The following ZNF76 variants were observed in gnomAD, a reference collection of about 807,000 sequenced individuals.
ZNF76 encodes zinc finger protein 523.
In ZNF76, 66 loss-of-function variants were observed where a neutral mutation model predicts 66.9. That is an observed-to-expected ratio of 0.99 (90% CI 0.81 to 1.21). ZNF76 has a LOEUF of 1.21. Ranked by LOEUF, ZNF76 falls within the 50% of genes most tolerant of loss-of-function variation. The probability of loss-of-function intolerance (pLI) is 0.00; values close to 1 mark genes in which losing one functional copy is unlikely to be tolerated. For missense variants in ZNF76, 729 were observed against 760.3 expected, an observed-to-expected ratio of 0.96 and a Z score of 0.48; for synonymous variants, 275 against 296.1, an observed-to-expected ratio of 0.93 and a Z score of 0.73.
intron 1 of ZNF76, among the ~76,000 whole-genome samples, chr6:35,266,860 G>A (rs1471228737): frequency 7.6e-6 from 1 of 131,208 alleles, no homozygotes; most frequent in African/African-American, 2.7e-5. Flanking sequence ...AAGTGCAGTG[G>A]CGCCATCTCG....
At position 35,292,831 on chromosome 6, in the gene ZNF76, C is replaced by T. The variant is rs1371744373; in HGVS notation, c.1165+44C>T. The stretch of plus-strand genomic sequence containing the variant: ...GGGTGAGAGTGGGGACAAGCCAGGC[C>T]TCCCCATGGCATCTGGTAGCAGATG... On this transcript the variant is annotated intron_variant, in intron 10 of 13. Coordinates refer to ENST00000373953, the MANE Select transcript of ZNF76 (RefSeq NM_003427.5). The surrounding 1 kb of genome is among the most constrained non-coding windows in gnomAD (Gnocchi z 4.7). The T allele has an allele frequency of 1.9e-6, 3 of 1,613,690 alleles. No individual in the cohort carries two copies. Among genetic ancestry groups the T allele is most frequent in the Admixed American group, 1.7e-5 (1 of 60,012 alleles).
rs371104160 is a variant in ZNF76 at position 35,286,089 on chromosome 6, T to G, written c.74-39T>G. Reference sequence around the variant, plus strand: ...AGGCAGGCGTTTCTTAGCCCTCTTCTGGTCCTGGCCCATTTCTCTCTATTT... The same window carrying G: ...AGGCAGGCGTTTCTTAGCCCTCTTCGGGTCCTGGCCCATTTCTCTCTATTT... On this transcript the variant is annotated intron_variant, in intron 2 of 13. Coordinates refer to ENST00000373953, the MANE Select transcript of ZNF76 (RefSeq NM_003427.5). The G allele has an allele frequency of 1.9e-6, 3 of 1,600,650 alleles. No homozygotes were observed. The African/African-American group carries it at 4.0e-5, about 21-fold the overall frequency.
chr6:35,291,663 C>T lies in ZNF76; in HGVS notation c.857C>T (p.Thr286Ile). The T allele has an allele frequency of 6.2e-7, 1 of 1,613,860 alleles. No homozygotes were observed. The highest frequency in any genetic ancestry group is 8.5e-7 in the Non-Finnish European group (1 of 1,179,994). Residue 286 changes from threonine to isoleucine, a missense_variant, in exon 9 of 14, where the codon ACC (threonine) becomes ATC (isoleucine). Physicochemically the swap from Thr to Ile is moderately conservative, Grantham distance 89. Coordinates refer to ENST00000373953, the MANE Select transcript of ZNF76 (RefSeq NM_003427.5). The part of the protein sequence containing the change: ...VRTHTGERPY[T>I]CPEPHCGRGF... The stretch of plus-strand genomic sequence containing the variant: ...ACCCACACAGGCGAGAGGCCCTACA[C>T]CTGCCCGGAGCCCCACTGTGGCCGC...
At chr6:35,266,350 A>G (rs1786065608) in intron 1 of ZNF76, among the ~76,000 whole-genome samples, 1 of 151,844 alleles carries the variant, frequency 6.6e-6, no homozygotes, top group African/African-American at 2.4e-5. Context: ...ATGGGGTTTC[A>G]CCATATTTGC....
At chr6:35,280,845 G>C (rs1788677166) in intron 1 of ZNF76, among the ~76,000 whole-genome samples, 1 of 152,158 alleles carries the variant, frequency 6.6e-6, no homozygotes, top group Non-Finnish European at 1.5e-5. Flanking sequence ...TGACCAGTTT[G>C]ATTGGCATGC....
At chr6:35,294,930 C>T (rs1314031320) in intron 13 of ZNF76, 1 of 588,460 alleles carries the variant, frequency 1.7e-6, no homozygotes, top group Non-Finnish European at 3.0e-6. Context: ...GTCTCTCTGA[C>T]CCTGGCTATT....
chr6:35,277,005 G>A (rs111587195), intron 1 of ZNF76, among the ~76,000 whole-genome samples: 13,204 of 150,304 alleles, frequency 0.088, 1,362 homozygotes, highest in African/African-American at 0.25. Flanking sequence ...CACCATGTTG[G>A]TCAGGCTGGT....
Position 35,292,715 on chromosome 6 carries a change from C to T in ZNF76, c.1093C>T (p.Arg365Cys), listed in dbSNP as rs773000742. 21 of 1,614,208 alleles carry T rather than the reference C, an allele frequency of 1.3e-5. No homozygotes were observed. The highest frequency in any genetic ancestry group is 2.2e-5 in the South Asian group (2 of 91,084). ...RQTSTLAMHK[R>C]SAHGELEATE... ...GACCTCCACCTTGGCCATGCACAAG[C>T]GCAGTGCCCACGGCGAGCTGGAGGC... The change falls in exon 10 of 14, where the codon CGC becomes TGC. Residue 365 changes from arginine (R) to cysteine (C), a missense_variant. Arg to Cys is a radical substitution (Grantham distance 180, BLOSUM62 -3). Coordinates refer to ENST00000373953, the MANE Select transcript of ZNF76 (RefSeq NM_003427.5). The surrounding 1 kb of genome is among the most constrained non-coding windows in gnomAD (Gnocchi z 4.7).
Position 35,282,120 on chromosome 6 carries a change from C to T in ZNF76, c.73+896C>T, listed in dbSNP as rs928875748. Reference sequence around the variant, plus strand: ...ACATACATCCCAAATGTTGTAGGGACGTATGTATACCACATACTAGGGACA... The same window carrying T: ...ACATACATCCCAAATGTTGTAGGGATGTATGTATACCACATACTAGGGACA... On this transcript the variant is annotated intron_variant, in intron 2 of 13. Transcript: ENST00000373953. Among the ~76,000 whole-genome samples, 6 of 151,884 alleles carry T rather than the reference C, an allele frequency of 4.0e-5. No homozygotes were observed. The South Asian group carries it at 8.3e-4, about 21-fold the overall frequency.
chr6:35,288,130 A>G, intron 5 of ZNF76: 2 of 617,930 alleles, frequency 3.2e-6, no homozygotes, highest in South Asian at 3.0e-5. Flanking sequence ...GCCATAAGAA[A>G]CAGTGGCATC....
At chr6:35,275,037 C>T (rs895837567) in intron 1 of ZNF76, among the ~76,000 whole-genome samples, 2 of 152,100 alleles carry the variant, frequency 1.3e-5, no homozygotes, top group African/African-American at 4.8e-5. Context: ...TGCCTGTAAT[C>T]CCAGCTGCTC....
intron 1 of ZNF76, chr6:35,279,780 C>G (rs1360674919): frequency 6.5e-6 from 1 of 153,580 alleles, no homozygotes; most frequent in Admixed American, 6.5e-5. Flanking sequence ...GGAGGCCCCA[C>G]TTACAGCTAG....
intron 5 of ZNF76, among the ~76,000 whole-genome samples, chr6:35,289,013 G>T (rs936264025): frequency 4.0e-5 from 6 of 151,112 alleles, no homozygotes; most frequent in Non-Finnish European, 8.8e-5. Flanking sequence ...TCCCACCCAG[G>T]TTCCCTGAGG....
At chr6:35,260,869 C>T (rs1402588094) in intron 1 of ZNF76, among the ~76,000 whole-genome samples, 1 of 152,182 alleles carries the variant, frequency 6.6e-6, no homozygotes, top group Non-Finnish European at 1.5e-5. Context: ...CCTCTTGTAA[C>T]CTCATCCCAG....
intron 9 of ZNF76, 38 bp downstream of exon 9, chr6:35,291,775 G>A: frequency 6.3e-7 from 1 of 1,598,082 alleles, no homozygotes; most frequent in Non-Finnish European, 8.5e-7. Context: ...CCTCACTCAG[G>A]CCCCAACCCC....
chr6:35,279,207 G>A (rs1788376435), intron 1 of ZNF76: 1 of 165,830 alleles, frequency 6.0e-6, no homozygotes, highest in Admixed American at 6.5e-5. Context: ...GCGTCACACA[G>A]ATTCTGTGTT....
intron 1 of ZNF76, among the ~76,000 whole-genome samples, chr6:35,275,691 T>C (rs575203614): frequency 6.6e-6 from 1 of 152,356 alleles, no homozygotes; most frequent in South Asian, 2.1e-4. Context: ...AGGTTTGTAT[T>C]ACGAGACTTA....
chr6:35,293,926 G>T lies in ZNF76; in HGVS notation c.1494+11G>T, dbSNP rs772212393. On this transcript the variant is annotated intron_variant, in intron 12 of 13. Transcript: ENST00000373953. The stretch of plus-strand genomic sequence containing the variant: ...ACCCAGACGCAGCCCGTATGACCAG[G>T]CGGTTTGCTTGGGGTTTCTTATTTT... 1.2e-6 allele frequency: 2 copies of T among 1,612,990 alleles called. No homozygotes were observed. The highest frequency in any genetic ancestry group is 1.7e-6 in the Non-Finnish European group (2 of 1,179,254).
Position 35,286,163 on chromosome 6 carries a change from G to T in ZNF76, c.109G>T (p.Glu37Ter). The change falls in exon 3 of 14, where the codon GAG (glutamate) becomes TAG (stop). Residue 37 changes from glutamate (E) to a stop codon, truncating the protein, a stop_gained. Coordinates refer to ENST00000373953, the MANE Select transcript of ZNF76 (RefSeq NM_003427.5). LOFTEE classifies it high-confidence loss of function. ...KLLEGQVIQL[E>*]DGTTAYIHQV... ...TCTTGAAGGGCAGGTGATCCAGCTC[G>T]AGGATGGGACCACCGCATACATTCA... is the stretch of plus-strand genomic sequence containing the variant. 6.2e-7 allele frequency: 1 copy of T among 1,614,170 alleles called. No homozygotes were observed. Among genetic ancestry groups the T allele is most frequent in the South Asian group, 1.1e-5 (1 of 91,076 alleles).
Sources: gnomAD v4.1 joint callset for allele counts (sites outside exome capture counted in the v4.1 genomes callset) on GRCh38, gnomAD v4.1.1 for gene constraint, Gnocchi (gnomAD v3.1) non-coding constraint, MANE v1.5 for transcripts, NCBI Gene and HGNC (gene_info 2026-07-23, HGNC 2026-07-21) for gene names.